The following USE1 variants were observed in gnomAD, a reference collection of about 807,000 sequenced individuals.
The protein encoded by USE1 is unconventional SNARE in the ER 1, also known as vesicle transport protein USE1.
In USE1, 32 loss-of-function variants were observed where a neutral mutation model predicts 37.6. That is an observed-to-expected ratio of 0.85 (90% CI 0.64 to 1.14). The LOEUF (loss-of-function observed/expected upper bound fraction) is 1.14, where lower values mean the gene tolerates loss of function less well. Ranked by LOEUF, USE1 falls within the 50% of genes most tolerant of loss-of-function variation. The pLI is 0.00. For synonymous variants in USE1, 149 were observed against 137.6 expected, an observed-to-expected ratio of 1.08 and a Z score of -0.58; for missense variants, 310 against 332.2, an observed-to-expected ratio of 0.93 and a Z score of 0.52.
intron 5 of USE1, chr19:17,217,919 A>T: frequency 2.9e-6 from 1 of 348,820 alleles, no homozygotes; most frequent in South Asian, 2.2e-5. Context: ...CTCAAAAAAA[A>T]AAAAAGCAAA....
rs950107502 is a variant in USE1, at chr19:17,216,295, G to A, written c.358G>A (p.Glu120Lys). 3 of 1,612,684 alleles carry A rather than the reference G, an allele frequency of 1.9e-6. No homozygotes were observed. The highest frequency in any genetic ancestry group is 2.5e-6 in the Non-Finnish European group (3 of 1,179,580). ...HLQSRARYTSEMRSELLGTDS... is the reference protein window; with the variant it reads ...HLQSRARYTSKMRSELLGTDS... ...GCAGTCACGGGCGCGGTACACCAGC[G>A]AGATGCGGAGTGAGCTACTAGGCAC... is the stretch of plus-strand genomic sequence containing the variant. Residue 120 changes from glutamate to lysine, a missense_variant, in exon 4 of 8, where the codon GAG (glutamate) becomes AAG (lysine). Physicochemically the swap from Glu to Lys is moderately conservative, Grantham distance 56. Coordinates refer to ENST00000263897, the MANE Select transcript of USE1 (RefSeq NM_018467.4).
chr19:17,218,466 C>T, intron 6 of USE1, 75 bp downstream of exon 6: 1 of 1,587,924 alleles, frequency 6.3e-7, no homozygotes, highest in Non-Finnish European at 8.6e-7. Flanking sequence ...TGGCCAAACC[C>T]TGGACCACCG....
chr19:17,218,615 C>T, intron 6 of USE1: 1 of 485,824 alleles, frequency 2.1e-6, no homozygotes, highest in East Asian at 3.8e-5. Flanking sequence ...CACCTGAGGC[C>T]AGGAGTTCAA....
intron 4 of USE1, among the ~76,000 whole-genome samples, chr19:17,217,131 A>G (rs1312138915): frequency 8.4e-6 from 1 of 118,718 alleles, no homozygotes; most frequent in African/African-American, 3.7e-5. Flanking sequence ...ACTTCATGGC[A>G]TTTACTTTTT....
In USE1 at chr19:17,217,603, A is replaced by G; in HGVS notation, c.394+141A>G. 9 of 1,257,784 alleles carry G rather than the reference A, an allele frequency of 7.2e-6. No individual in the cohort carries two copies. The South Asian group carries it at 1.0e-4, about 14-fold the overall frequency. 77.9% of individuals were successfully genotyped at this position (1,257,784 alleles called of 1,614,324 possible). ...ATCACCAAACTACACCTGGAGGAAG[A>G]GCCAGGACAGAGGAAATGGCCCCGA... On this transcript the variant is annotated intron_variant, in intron 5 of 7. Transcript: ENST00000263897.
chr19:17,217,351 G>T (rs2073297117), intron 4 of USE1, 102 bp from the exon 5 acceptor site: 5 of 1,313,540 alleles, frequency 3.8e-6, no homozygotes, highest in Non-Finnish European at 5.3e-6. Flanking sequence ...GGCCAGGCTG[G>T]TCTCGAACTT....
Position 17,216,335 on chromosome 19 carries a change from C to T in USE1, c.384+14C>T. Reference sequence around the variant, plus strand: ...CTACTAGGCACGGTAGGGCTCCTTCCCTGGTCCCTGGGAATCCCTTGGACA... The same window carrying T: ...CTACTAGGCACGGTAGGGCTCCTTCTCTGGTCCCTGGGAATCCCTTGGACA... On this transcript the variant is annotated intron_variant, in intron 4 of 7. Transcript: ENST00000263897. 2 of 1,605,904 alleles carry T rather than the reference C, an allele frequency of 1.2e-6. No homozygotes were observed. The highest frequency in any genetic ancestry group is 1.7e-6 in the Non-Finnish European group (2 of 1,174,548).
chr19:17,215,881 A>C (rs2073286858), intron 2 of USE1, 30 bp downstream of exon 2: 1 of 1,599,104 alleles, frequency 6.3e-7, no homozygotes, highest in Non-Finnish European at 8.5e-7. Context: ...GGGCTTTCAC[A>C]TCAGCACGTG....
chr19:17,217,095 G>A (rs1413978936), intron 4 of USE1, among the ~76,000 whole-genome samples: 11 of 151,858 alleles, frequency 7.2e-5, no homozygotes, highest in African/African-American at 2.2e-4. Flanking sequence ...AGAAGGGACA[G>A]GTTTGGGAAC....
chr19:17,219,690 A>T lies in USE1; in HGVS notation c.657A>T (p.Ser219=). 3 of 1,612,888 alleles carry T rather than the reference A, an allele frequency of 1.9e-6. No homozygotes were observed. Among genetic ancestry groups the T allele is most frequent in the Non-Finnish European group, 2.5e-6 (3 of 1,179,040 alleles). Residue 219 remains serine (S), a synonymous_variant, in exon 8 of 8, where the codon TCA becomes TCT. Transcript: ENST00000263897. ...ACCTGGAGAAACTGAAGACGGAGTC[A>T]GAGCGTCTGGAGCAGCACACGCAGA... is the stretch of plus-strand genomic sequence containing the variant. ...DQNLEKLKTE[S]ERLEQHTQKS... is the part of the protein sequence containing the mutation.
rs866085265 is a variant in USE1 at position 17,218,391 on chromosome 19, C to T, written c.422C>T (p.Thr141Ile). Residue 141 changes from threonine to isoleucine, a missense_variant and splice_region_variant, in exon 6 of 8, where the codon ACT (threonine) becomes ATT (isoleucine). By Grantham distance (89) the Thr-to-Ile change is moderately conservative (BLOSUM62 -1). Coordinates refer to ENST00000263897, the MANE Select transcript of USE1 (RefSeq NM_018467.4). ...AEPEMDVRKR[T>I]GVAGSQPVSE... ...CCTGAGATGGACGTAAGGAAGAGAA[C>T]GTGAGTGTCTGCGGCCCTGGGGCAG... 8 of 1,613,604 alleles carry T rather than the reference C, an allele frequency of 5.0e-6. No homozygotes were observed. Among genetic ancestry groups the T allele is most frequent in the Middle Eastern group, 1.7e-4 (1 of 6,060 alleles).
In USE1 at chr19:17,218,400, C is replaced by A. The variant is rs2073303524; in HGVS notation, c.422+9C>A. 6.2e-7 allele frequency: 1 copy of A among 1,613,604 alleles called. No homozygotes were observed. Among genetic ancestry groups the A allele is most frequent in the South Asian group, 1.1e-5 (1 of 91,052 alleles). ...GACGTAAGGAAGAGAACGTGAGTGT[C>A]TGCGGCCCTGGGGCAGTAGTGGCAA... On this transcript the variant is annotated intron_variant, in intron 6 of 7. Coordinates refer to ENST00000263897, the MANE Select transcript of USE1 (RefSeq NM_018467.4).
rs2145543767 is a variant in USE1, at chr19:17,215,848, C to G, written c.149C>G (p.Ala50Gly). Residue 50 changes from alanine to glycine, a missense_variant, in exon 2 of 8, where the codon GCG becomes GGG. Transcript: ENST00000263897. ...ATGTTGCAGGCCCTGAAGGTCCACG[C>G]GAGGTGAGTGCAGGCAGCCTCAGGG... is the stretch of plus-strand genomic sequence containing the variant. ...EDMLQALKVH[A>G]SKPASEVINE... is the part of the protein sequence containing the mutation. 6.2e-7 allele frequency: 1 copy of G among 1,608,824 alleles called. No homozygotes were observed. Among genetic ancestry groups the G allele is most frequent in the East Asian group, 2.2e-5 (1 of 44,708 alleles).
chr19:17,215,939 CCCTGAGCTGGGGA>C, intron 2 of USE1, 40 bp from the exon 3 acceptor site: 1 of 1,582,542 alleles, frequency 6.3e-7, no homozygotes, highest in Non-Finnish European at 8.6e-7. Flanking sequence ...TGGGACCCTT[CCCTGAGCTGGGGA>C]CCATGGACAG....
At chr19:17,215,767 A>G (rs779554489) in intron 1 of USE1, 35 bp from the exon 2 acceptor site, 5 of 1,566,992 alleles carry the variant, frequency 3.2e-6, no homozygotes, top group Non-Finnish European at 4.3e-6. Flanking sequence ...GACATGGGAA[A>G]GACCCCCGGG....
intron 1 of USE1, 144 bp downstream of exon 1, chr19:17,215,651 C>A: frequency 7.7e-7 from 1 of 1,302,146 alleles, no homozygotes; most frequent in East Asian, 2.5e-5. Context: ...CCACCTGTAG[C>A]TTCCGCCCCC....
At chr19:17,215,885 G>T in intron 2 of USE1, 34 bp downstream of exon 2, 1 of 1,596,740 alleles carries the variant, frequency 6.3e-7, no homozygotes, top group South Asian at 1.1e-5. Context: ...TTTCACATCA[G>T]CACGTGGCTG....
Position 17,218,114 on chromosome 19 carries a change from G to C in USE1, c.395-250G>C, listed in dbSNP as rs2073301685. 8.0e-6 allele frequency: 4 copies of C among 497,328 alleles called. No homozygotes were observed. In the South Asian group the frequency reaches 9.6e-5, roughly 12 times the overall value. The allele number at this position is 497,328 out of a possible 1,614,324, so 30.8% of individuals were successfully genotyped here. A position where few individuals can be genotyped will look rare whatever the true frequency, so the allele number is the denominator to read the frequency against. ...TAAGCAAATAAATAAATTTTTTAAA[G>C]CTAGGCACTCCCAGCCTATGGGACC... On this transcript the variant is annotated intron_variant, in intron 5 of 7. Coordinates refer to ENST00000263897, the MANE Select transcript of USE1 (RefSeq NM_018467.4).
At position 17,218,230 on chromosome 19, in the gene USE1, T is replaced by A; in HGVS notation, c.395-134T>A. 8 of 1,277,954 alleles carry A rather than the reference T, an allele frequency of 6.3e-6. No homozygotes were observed. The South Asian group carries it at 1.1e-4, about 18-fold the overall frequency. The allele number at this position is 1,277,954 out of a possible 1,614,324, so 79.2% of individuals were successfully genotyped here. A position where few individuals can be genotyped will look rare whatever the true frequency, so the allele number is the denominator to read the frequency against. On this transcript the variant is annotated intron_variant, in intron 5 of 7. Coordinates refer to ENST00000263897, the MANE Select transcript of USE1 (RefSeq NM_018467.4). ...TAGAAGAGGGGGTATTCAAGCATGG[T>A]CAGAAGCCAACGGGGCAGCAGACAA... is the stretch of plus-strand genomic sequence containing the variant.
Sources: gnomAD v4.1 joint callset for allele counts (sites outside exome capture counted in the v4.1 genomes callset) on GRCh38, gnomAD v4.1.1 for gene constraint, MANE v1.5 for transcripts, NCBI Gene and HGNC (gene_info 2026-07-23, HGNC 2026-07-21) for gene names.